The following SSBP2 variants were observed in gnomAD, a reference collection of about 807,000 sequenced individuals.
The protein encoded by SSBP2 is single stranded DNA binding protein 2.
A neutral mutation model predicts 61.8 loss-of-function variants in SSBP2; 17 were observed. The observed-to-expected ratio is 0.28, with a 90% CI of 0.19 to 0.41. The LOEUF (loss-of-function observed/expected upper bound fraction) is 0.41, where lower values mean the gene tolerates loss of function less well. Among genes scored for constraint, SSBP2 ranks in the 10% least tolerant of loss-of-function variants. SSBP2 has a pLI of 1.00. For synonymous variants in SSBP2, 139 were observed against 141.3 expected (o/e 0.98, Z 0.12); for missense variants, 310 against 458.7 (o/e 0.68, Z 2.96).
At chr5:81,595,738 A>T (rs1408521442) in intron 4 of SSBP2, among the ~76,000 whole-genome samples, 2 of 152,190 alleles carry the variant, frequency 1.3e-5, no homozygotes, top group Non-Finnish European at 2.9e-5. Flanking sequence ...CAAAGACAAA[A>T]ACCACATGAT....
chr5:81,519,122 T>G (rs976660059), intron 4 of SSBP2, among the ~76,000 whole-genome samples: 2 of 152,168 alleles, frequency 1.3e-5, no homozygotes, highest in Admixed American at 1.3e-4. Flanking sequence ...TCAAAAGGAA[T>G]TGATGGCAAA....
At chr5:81,631,359 C>A (rs1386353907) in intron 3 of SSBP2, among the ~76,000 whole-genome samples, 1 of 151,998 alleles carries the variant, frequency 6.6e-6, no homozygotes, top group African/African-American at 2.4e-5. Context: ...CATTAAATAA[C>A]GTTCCAAGGA....
chr5:81,516,599 T>C (rs1036874763), intron 4 of SSBP2, among the ~76,000 whole-genome samples: 2 of 152,000 alleles, frequency 1.3e-5, no homozygotes, highest in Non-Finnish European at 2.9e-5. Flanking sequence ...CTCTCTACTG[T>C]ATTACACGGA....
chr5:81,534,983 C>G (rs983491320), intron 4 of SSBP2, among the ~76,000 whole-genome samples: 20 of 151,612 alleles, frequency 1.3e-4, no homozygotes, highest in African/African-American at 4.8e-4. Flanking sequence ...ACACACACCC[C>G]TTACTGATGG....
intron 5 of SSBP2, among the ~76,000 whole-genome samples, chr5:81,490,596 T>G (rs1766785840): frequency 6.6e-6 from 1 of 152,182 alleles, no homozygotes; most frequent in Non-Finnish European, 1.5e-5. Flanking sequence ...ACATGTAGAA[T>G]GTATTTTCTA....
chr5:81,748,900 A>G (rs1432998498), intron 1 of SSBP2, among the ~76,000 whole-genome samples: 1 of 148,004 alleles, frequency 6.8e-6, no homozygotes, highest in Non-Finnish European at 1.5e-5. Flanking sequence ...CTGAGAAACT[A>G]AAAAAAAAAA....
At chr5:81,649,329 G>A (rs1749538345) in intron 2 of SSBP2, among the ~76,000 whole-genome samples, 1 of 152,036 alleles carries the variant, frequency 6.6e-6, no homozygotes, top group South Asian at 2.1e-4. Flanking sequence ...ATATACATAG[G>A]AGACAAACAA....
At chr5:81,441,062 T>G (rs1237099766) in intron 13 of SSBP2, among the ~76,000 whole-genome samples, 2 of 152,320 alleles carry the variant, frequency 1.3e-5, no homozygotes, top group East Asian at 1.9e-4. Context: ...ATTAACATTT[T>G]TCTTAGTAGG....
chr5:81,666,319 A>C (rs1751132590), intron 1 of SSBP2, among the ~76,000 whole-genome samples: 1 of 152,216 alleles, frequency 6.6e-6, no homozygotes, highest in Non-Finnish European at 1.5e-5. Context: ...ATGTTCTAGA[A>C]CAGGAATAAT....
At chr5:81,648,717 T>A (rs2153705574) in intron 2 of SSBP2, among the ~76,000 whole-genome samples, 1 of 152,150 alleles carries the variant, frequency 6.6e-6, no homozygotes, top group African/African-American at 2.4e-5. Flanking sequence ...TTTTTATGGG[T>A]ACATAGTAGT....
chr5:81,725,282 CTAA>C (rs1407713433), intron 1 of SSBP2, among the ~76,000 whole-genome samples: 1 of 151,790 alleles, frequency 6.6e-6, no homozygotes, highest in African/African-American at 2.4e-5. Flanking sequence ...ACTAACCTCA[CTAA>C]TAATCAGAGA....
intron 1 of SSBP2, among the ~76,000 whole-genome samples, chr5:81,688,052 G>T (rs1272441932): frequency 1.3e-5 from 2 of 152,118 alleles, no homozygotes; most frequent in Non-Finnish European, 2.9e-5. Flanking sequence ...TTGGCCCTGG[G>T]TCCAGGCCTT....
intron 4 of SSBP2, among the ~76,000 whole-genome samples, chr5:81,567,830 G>C (rs1773547138): frequency 6.6e-6 from 1 of 152,200 alleles, no homozygotes; most frequent in Non-Finnish European, 1.5e-5. Context: ...TTCAAGATTT[G>C]ACTGTCCTGC....
At chr5:81,464,956 C>G (rs1764788998) in intron 9 of SSBP2, among the ~76,000 whole-genome samples, 1 of 151,948 alleles carries the variant, frequency 6.6e-6, no homozygotes, top group Non-Finnish European at 1.5e-5. Context: ...ATATGTTTCA[C>G]TTTTTATGTC....
At chr5:81,729,029 G>A (rs1756081596) in intron 1 of SSBP2, among the ~76,000 whole-genome samples, 1 of 152,054 alleles carries the variant, frequency 6.6e-6, no homozygotes, top group Admixed American at 6.5e-5. Flanking sequence ...TAAGAGAGGT[G>A]ATATGTTAAT....
chr5:81,587,755 A>ACG (rs780681857), intron 4 of SSBP2, among the ~76,000 whole-genome samples: 24,092 of 137,734 alleles, frequency 0.17, 1,969 homozygotes, highest in Non-Finnish European at 0.21. Flanking sequence ...ACGCACACAC[A>ACG]CGCGCGCGCA....
chr5:81,719,439 A>G (rs1755398210), intron 1 of SSBP2, among the ~76,000 whole-genome samples: 1 of 152,186 alleles, frequency 6.6e-6, no homozygotes, highest in Non-Finnish European at 1.5e-5. Context: ...CATGGTGTGG[A>G]CATTGAGAAA....
At chr5:81,601,772 C>T (rs1744387901) in intron 4 of SSBP2, among the ~76,000 whole-genome samples, 1 of 152,128 alleles carries the variant, frequency 6.6e-6, no homozygotes, top group African/African-American at 2.4e-5. Context: ...AGTCCAGGAT[C>T]TAATCACCTA....
At chr5:81,588,767 T>C (rs577364653) in intron 4 of SSBP2, among the ~76,000 whole-genome samples, 1 of 152,256 alleles carries the variant, frequency 6.6e-6, no homozygotes, top group African/African-American at 2.4e-5. Flanking sequence ...GAAAGACTTT[T>C]TTAAAAATGT....
Sources: allele counts gnomAD v4.1 joint callset (sites outside exome capture counted in the v4.1 genomes callset), GRCh38; gene constraint gnomAD v4.1.1; transcripts MANE v1.5; gene names NCBI Gene and HGNC (gene_info 2026-07-23, HGNC 2026-07-21).